The following USP25 variants were observed in gnomAD, a reference collection of about 807,000 sequenced individuals.
USP25 encodes the protein ubiquitin specific peptidase 25.
USP25 carries 85 observed loss-of-function variants against 158.5 expected under a neutral mutation model. The ratio of observed to expected loss-of-function variants is 0.54; its 90% CI spans 0.45 to 0.64. The LOEUF (loss-of-function observed/expected upper bound fraction) is 0.64. USP25 is among the 30% of genes least tolerant of loss of function. USP25 has a pLI of 0.00. For missense variants in USP25, 1,242 were observed against 1,327.3 expected, an observed-to-expected ratio of 0.94 and a Z score of 1.00; for synonymous variants, 464 against 460.4, an observed-to-expected ratio of 1.01 and a Z score of -0.10.
chr21:15,754,658 G>C (rs1442925116), intron 1 of USP25, among the ~76,000 whole-genome samples: 1 of 152,192 alleles, frequency 6.6e-6, no homozygotes, highest in African/African-American at 2.4e-5. Flanking sequence ...ATGCCAGGGG[G>C]AAAGCAAAGC....
Position 15,818,710 on chromosome 21 carries a change from A to G in USP25, c.944A>G (p.Glu315Gly). Residue 315 changes from glutamate to glycine, a missense_variant, in exon 10 of 26, where the codon GAA becomes GGA. Glu to Gly is a moderately conservative substitution (Grantham distance 98, BLOSUM62 -2). This residue lies in a region of USP25 where 627 missense variants were observed against 701.4 expected (regional missense o/e 0.89). Transcript: ENST00000400183. Reference sequence around the variant, plus strand: ...TCCCTTCTTATAGGTAAAAAATTTGAAAACACTGAAATGTTTGGTCAGTAC... The same window carrying G: ...TCCCTTCTTATAGGTAAAAAATTTGGAAACACTGAAATGTTTGGTCAGTAC... ...AVGVLEGKKF[E>G]NTEMFGQYPL... 1 of 1,605,864 alleles carries G rather than the reference A, an allele frequency of 6.2e-7. No homozygotes were observed. The highest frequency in any genetic ancestry group is 8.5e-7 in the Non-Finnish European group (1 of 1,176,014).
intron 1 of USP25, among the ~76,000 whole-genome samples, chr21:15,757,298 CT>C: frequency 6.6e-6 from 1 of 152,176 alleles, no homozygotes; most frequent in Non-Finnish European, 1.5e-5. Context: ...TAAGAAAATT[CT>C]TTCACTTTTT....
At chr21:15,779,295 C>G (rs1381743287) in intron 4 of USP25, among the ~76,000 whole-genome samples, 1 of 151,718 alleles carries the variant, frequency 6.6e-6, no homozygotes, top group Non-Finnish European at 1.5e-5. Flanking sequence ...ACGTGTATTG[C>G]AATGCATAAT....
At chr21:15,869,594 C>A (rs886414729) in intron 22 of USP25, among the ~76,000 whole-genome samples, 2 of 152,092 alleles carry the variant, frequency 1.3e-5, no homozygotes, top group Non-Finnish European at 2.9e-5. Context: ...GTCAAATTTA[C>A]CACATATTTG....
chr21:15,834,431 A>G (rs1330615690), intron 17 of USP25, among the ~76,000 whole-genome samples: 2 of 152,028 alleles, frequency 1.3e-5, no homozygotes, highest in African/African-American at 4.8e-5. Context: ...GATATTATTG[A>G]ATAACTTTTT....
intron 20 of USP25, among the ~76,000 whole-genome samples, chr21:15,861,691 A>G (rs1336009849): frequency 6.6e-6 from 1 of 152,186 alleles, no homozygotes; most frequent in Non-Finnish European, 1.5e-5. Flanking sequence ...TAAGGAATGC[A>G]TTTATGCTAG....
intron 1 of USP25, among the ~76,000 whole-genome samples, chr21:15,758,510 T>A (rs895195333): frequency 4.6e-5 from 7 of 152,298 alleles, no homozygotes; most frequent in African/African-American, 1.4e-4. Context: ...GATGTGCCTT[T>A]GCCCCTCCTT....
chr21:15,753,364 G>A (rs1308481385), intron 1 of USP25, among the ~76,000 whole-genome samples: 2 of 152,196 alleles, frequency 1.3e-5, no homozygotes, highest in African/African-American at 4.8e-5. Flanking sequence ...GGAAAAAACA[G>A]GTGGCAAGGT....
rs1315133145 is a variant in USP25, at chr21:15,843,323, A to G, written c.2337+783A>G. On this transcript the variant is annotated intron_variant, in intron 18 of 25. Transcript: ENST00000400183. This position sits in a 1 kb window ranked among gnomAD's most constrained non-coding sequence, Gnocchi z 4.0. ...TTAATATTTGAAGATTCCCCTTGAC[A>G]ACTAAAAAGAGTACGACATATCATA... Among the ~76,000 whole-genome samples the G allele has an allele frequency of 2.0e-5, 3 of 152,188 alleles. No homozygotes were observed. The highest frequency in any genetic ancestry group is 7.2e-5 in the African/African-American group (3 of 41,448).
chr21:15,792,149 A>G (rs1415950915), intron 5 of USP25, among the ~76,000 whole-genome samples: 1 of 151,748 alleles, frequency 6.6e-6, no homozygotes, highest in Non-Finnish European at 1.5e-5. Context: ...ATGTGAAATG[A>G]TGTGATGAAT....
intron 4 of USP25, among the ~76,000 whole-genome samples, chr21:15,782,292 C>A (rs1368792346): frequency 6.6e-6 from 1 of 152,156 alleles, no homozygotes; most frequent in Admixed American, 6.5e-5. Context: ...ATAGCTGGCC[C>A]AGAGGTTGTC....
chr21:15,813,590 A>G (rs780976754), intron 9 of USP25, among the ~76,000 whole-genome samples: 4 of 152,014 alleles, frequency 2.6e-5, no homozygotes, highest in Admixed American at 6.5e-5. Context: ...ACCTTACTTC[A>G]TTCGTTTTTT....
At chr21:15,840,797 G>A (rs183040780) in intron 17 of USP25, among the ~76,000 whole-genome samples, 4 of 152,274 alleles carry the variant, frequency 2.6e-5, no homozygotes, top group African/African-American at 9.6e-5. Context: ...CAGACCAGAT[G>A]GATTTATTGC....
intron 21 of USP25, among the ~76,000 whole-genome samples, chr21:15,864,675 G>A (rs914823146): frequency 3.3e-5 from 5 of 152,094 alleles, no homozygotes; most frequent in Non-Finnish European, 7.4e-5. Context: ...TGTGAATCAA[G>A]TAATCACTGC....
At chr21:15,798,086 C>CT (rs1013845350) in intron 5 of USP25, among the ~76,000 whole-genome samples, 1 of 151,142 alleles carries the variant, frequency 6.6e-6, no homozygotes, top group African/African-American at 2.4e-5. Flanking sequence ...CTCTGTACCC[C>CT]ATTTTCCCAT....
In USP25 at chr21:15,766,372, T is replaced by TAA. The variant is rs1272949787; in HGVS notation, c.268+231_268+232insAA. ...CATAGAGCATTTCATATAGAATTTA[T>TAA]TGTTTTGAAATATGGAATAGCTGCA... is the stretch of plus-strand genomic sequence containing the variant. On this transcript the variant is annotated intron_variant, in intron 3 of 25. Coordinates refer to ENST00000400183, the MANE Select transcript of USP25 (RefSeq NM_001283041.3). This position sits in a 1 kb window ranked among gnomAD's most constrained non-coding sequence, Gnocchi z 4.0. 7.9e-5 allele frequency among the ~76,000 whole-genome samples: 12 copies of TAA among 152,102 alleles called. No individual in the cohort carries two copies. Among genetic ancestry groups the TAA allele is most frequent in the Non-Finnish European group, 1.6e-4 (11 of 67,984 alleles).
At chr21:15,762,177 C>T (rs797017496) in intron 1 of USP25, among the ~76,000 whole-genome samples, 36 of 127,830 alleles carry the variant, frequency 2.8e-4, no homozygotes, top group African/African-American at 1.4e-3. Flanking sequence ...TTTGCTTTTC[C>T]TATCATATCC....
At chr21:15,772,414 A>G (rs959976340) in intron 3 of USP25, among the ~76,000 whole-genome samples, 3 of 152,184 alleles carry the variant, frequency 2.0e-5, no homozygotes, top group Non-Finnish European at 4.4e-5. Flanking sequence ...GCACCCAGCT[A>G]ACTGTTCCCA....
At chr21:15,842,574 C>T (rs1294263833) in intron 18 of USP25, 34 bp downstream of exon 18, 1 of 1,607,746 alleles carries the variant, frequency 6.2e-7, no homozygotes, top group East Asian at 2.2e-5. Context: ...CTGAACATAG[C>T]CATGGTCACG....
Sources: allele counts gnomAD v4.1 joint callset (sites outside exome capture counted in the v4.1 genomes callset), GRCh38; gene constraint gnomAD v4.1.1; regional missense constraint gnomAD v4.1.1; non-coding constraint Gnocchi (gnomAD v3.1); transcripts MANE v1.5; gene names NCBI Gene and HGNC (gene_info 2026-07-23, HGNC 2026-07-21).